CCDC125: variants seen among roughly 807,000 people sequenced by gnomAD.
The protein encoded by CCDC125 is coiled-coil domain-containing protein 125.
A neutral mutation model predicts 57.4 loss-of-function variants in CCDC125; 43 were observed. The ratio of observed to expected loss-of-function variants is 0.75; its 90% CI spans 0.59 to 0.97. The LOEUF (loss-of-function observed/expected upper bound fraction) is 0.97. Among genes scored for constraint, CCDC125 ranks in the 50% least tolerant of loss-of-function variants. The probability of loss-of-function intolerance (pLI) is 0.00; values close to 1 mark genes in which losing one functional copy is unlikely to be tolerated. For synonymous variants in CCDC125, 187 were observed against 195.2 expected (o/e 0.96, Z 0.35); for missense variants, 563 against 595.7 (o/e 0.95, Z 0.57).
chr5:69,311,828 G>A (rs1159374311), intron 3 of CCDC125, among the ~76,000 whole-genome samples: 1 of 151,884 alleles, frequency 6.6e-6, no homozygotes, highest in African/African-American at 2.4e-5. Flanking sequence ...CTGCCTCACA[G>A]GCTCAAGCAA....
intron 8 of CCDC125, 125 bp from the exon 9 acceptor site, chr5:69,295,025 G>A: frequency 4.7e-6 from 3 of 633,362 alleles, no homozygotes; most frequent in South Asian, 5.5e-5. Flanking sequence ...CAAAAAAACT[G>A]GAAAGGAAAA....
rs1481019371 is a variant in CCDC125 at position 69,282,538 on chromosome 5, G to T, written c.*191C>A. On this transcript the variant is annotated 3_prime_UTR_variant, in exon 12 of 12. Transcript: ENST00000396496. ...ATCACACCACTGCACTCCAACCTGG[G>T]TGACAGAGCAAGACTCCATCTCAAA... 1 of 530,662 alleles carries T rather than the reference G, an allele frequency of 1.9e-6. No individual in the cohort carries two copies. Among genetic ancestry groups the T allele is most frequent in the Admixed American group, 3.7e-5 (1 of 26,982 alleles). 32.9% of individuals were successfully genotyped at this position (530,662 alleles called of 1,614,324 possible). A position where few individuals can be genotyped will look rare whatever the true frequency, so the allele number is the denominator to read the frequency against.
intron 1 of CCDC125, among the ~76,000 whole-genome samples, chr5:69,322,167 G>C (rs1219062939): frequency 2.0e-5 from 3 of 151,392 alleles, no homozygotes; most frequent in African/African-American, 7.3e-5. Flanking sequence ...TTGTTTGTTT[G>C]AGAGATGAGG....
At chr5:69,301,642 G>A (rs950282944) in intron 7 of CCDC125, among the ~76,000 whole-genome samples, 14 of 151,874 alleles carry the variant, frequency 9.2e-5, no homozygotes, top group Admixed American at 5.3e-4. Context: ...AGGCCAAGGC[G>A]GGAGAATCCT....
chr5:69,320,619 A>C, intron 1 of CCDC125, 39 bp from the exon 2 acceptor site: 2 of 892,636 alleles, frequency 2.2e-6, no homozygotes, highest in Non-Finnish European at 3.5e-6. Flanking sequence ...AAACATCAGT[A>C]GATCCAGCAA....
intron 10 of CCDC125, among the ~76,000 whole-genome samples, chr5:69,291,806 T>G (rs1754508217): frequency 6.6e-6 from 1 of 152,262 alleles, no homozygotes; most frequent in South Asian, 2.1e-4. Context: ...CAATAAAGTT[T>G]AATTAGATAG....
chr5:69,324,883 A>G (rs562626400), intron 1 of CCDC125, among the ~76,000 whole-genome samples: 1 of 152,236 alleles, frequency 6.6e-6, no homozygotes, highest in African/African-American at 2.4e-5. Context: ...AACAGCACAT[A>G]CTGTATGAAA....
intron 7 of CCDC125, 79 bp from the exon 8 acceptor site, chr5:69,300,206 A>G: frequency 9.8e-7 from 1 of 1,021,516 alleles, no homozygotes; most frequent in Middle Eastern, 2.1e-4. Context: ...CCAACATGAC[A>G]TATTCATTTC....
chr5:69,312,140 T>A (rs1447913834), intron 3 of CCDC125, among the ~76,000 whole-genome samples: 4 of 152,132 alleles, frequency 2.6e-5, no homozygotes, highest in African/African-American at 9.7e-5. Flanking sequence ...AGTGTCCTTA[T>A]AAATTGAGGG....
rs961639755 is a variant in CCDC125, at chr5:69,312,076, C to T, written c.367-872G>A. The stretch of plus-strand genomic sequence containing the variant: ...TTGTTTACATACTGAGGTTGTAGTT[C>T]CTTATGTAGGGACTCAAGGTGAGGA... On this transcript the variant is annotated intron_variant, in intron 3 of 11. Transcript: ENST00000396496. Among the ~76,000 whole-genome samples the T allele has an allele frequency of 2.6e-5, 4 of 152,196 alleles. No homozygotes were observed. The South Asian group carries it at 8.3e-4, about 32-fold the overall frequency.
downstream of CCDC125, chr5:69,277,114 G>A (rs1414738648): frequency 2.5e-6 from 4 of 1,594,392 alleles, no homozygotes; most frequent in African/African-American, 5.4e-5. Flanking sequence ...TAGGAGGATT[G>A]CCCAAGAAAC....
rs1196417818 is a variant in CCDC125 at position 69,300,012 on chromosome 5, C to T, written c.816G>A (p.Glu272=). ...TCAGCTTTCCTGCATGCTTACCTACCTCAAGACCTGAAGCCTCTGCAAAGC... is the reference window on the plus strand; with the variant it reads ...TCAGCTTTCCTGCATGCTTACCTACTTCAAGACCTGAAGCCTCTGCAAAGC... ...KSGFAEASGL[E]LAVLGACLCH... Residue 272 remains glutamate, a splice_region_variant and synonymous_variant, in exon 8 of 12, where the codon GAG becomes GAA. Coordinates refer to ENST00000396496, the MANE Select transcript of CCDC125 (RefSeq NM_176816.5). The T allele has an allele frequency of 1.2e-6, 2 of 1,611,690 alleles. No homozygotes were observed. Among genetic ancestry groups the T allele is most frequent in the Non-Finnish European group, 1.7e-6 (2 of 1,177,770 alleles).
At chr5:69,315,930 T>TAAA (rs34485198) in intron 2 of CCDC125, among the ~76,000 whole-genome samples, 2 of 118,086 alleles carry the variant, frequency 1.7e-5, no homozygotes, top group African/African-American at 3.1e-5. Flanking sequence ...TCAACGGCAG[T>TAAA]AAAAAAAAAA....
intron 10 of CCDC125, among the ~76,000 whole-genome samples, chr5:69,286,474 C>T (rs1379683627): frequency 2.6e-5 from 4 of 151,370 alleles, no homozygotes; most frequent in Non-Finnish European, 5.9e-5. Context: ...CCTCATGATT[C>T]GCCCCCTCTT....
intron 11 of CCDC125, among the ~76,000 whole-genome samples, chr5:69,284,695 T>G (rs778286758): frequency 6.6e-6 from 1 of 152,144 alleles, no homozygotes; most frequent in Non-Finnish European, 1.5e-5. Flanking sequence ...AAGAGTTGAA[T>G]TAACAGGAAG....
intron 6 of CCDC125, among the ~76,000 whole-genome samples, chr5:69,305,639 CT>C (rs1238753031): frequency 6.6e-6 from 1 of 152,206 alleles, no homozygotes; most frequent in African/African-American, 2.4e-5. Flanking sequence ...CAGTCACTCT[CT>C]GGCGCCGTGC....
chr5:69,279,213 T>C (rs548115423), downstream of CCDC125, among the ~76,000 whole-genome samples: 672 of 145,534 alleles, frequency 4.6e-3, 8 homozygotes, highest in African/African-American at 0.016. Flanking sequence ...TTTTTTTTTT[T>C]TGGAGATGGA....
chr5:69,293,627 G>A (rs1476882841), intron 9 of CCDC125, among the ~76,000 whole-genome samples: 11 of 140,058 alleles, frequency 7.9e-5, no homozygotes, highest in Non-Finnish European at 4.6e-5. Context: ...CAGCCTGGGC[G>A]ACAGAGCAAG....
chr5:69,296,983 A>G (rs1453262164), intron 8 of CCDC125, among the ~76,000 whole-genome samples: 2 of 152,094 alleles, frequency 1.3e-5, no homozygotes, highest in Non-Finnish European at 2.9e-5. Context: ...GCTAACCACA[A>G]ATACTTTCCC....
Sources: allele counts gnomAD v4.1 joint callset (sites outside exome capture counted in the v4.1 genomes callset), GRCh38; gene constraint gnomAD v4.1.1; transcripts MANE v1.5; gene names NCBI Gene and HGNC (gene_info 2026-07-23, HGNC 2026-07-21).